ATP11B: variants seen among roughly 807,000 people sequenced by gnomAD.
ATP11B encodes the protein ATPase phospholipid transporting 11B (putative).
Under a neutral mutation model 157.8 loss-of-function variants are expected in ATP11B, and 81 were observed. That is an observed-to-expected ratio of 0.51 (90% confidence interval 0.43 to 0.62). The LOEUF (loss-of-function observed/expected upper bound fraction) is 0.62, where lower values mean the gene tolerates loss of function less well. Among genes scored for constraint, ATP11B ranks in the 20% least tolerant of loss-of-function variants. ATP11B has a pLI of 0.00. For synonymous variants in ATP11B, 451 were observed against 469.4 expected (o/e 0.96, Z 0.51); for missense variants, 1,165 against 1,402.2 (o/e 0.83, Z 2.70).
At position 182,823,339 on chromosome 3, in the gene ATP11B, C is replaced by A. The variant is rs577885650; in HGVS notation, c.144+2963C>A. On this transcript the variant is annotated intron_variant, in intron 2 of 29. Coordinates refer to ENST00000323116, the MANE Select transcript of ATP11B (RefSeq NM_014616.3). ...GTTTCAGCTTTCTACATATGGCTAG[C>A]CGGTTTTCCCAGCACCATTTATTAA... 3.5e-3 allele frequency among the ~76,000 whole-genome samples: 526 copies of A among 152,250 alleles called. 3 individuals are homozygous for A. The highest frequency in any genetic ancestry group is 0.012 in the African/African-American group (499 of 41,534).
chr3:182,873,912 A>G lies in ATP11B; in HGVS notation c.2149A>G (p.Ser717Gly), dbSNP rs149368463. The change falls in exon 19 of 30, where the codon AGT becomes GGT. Residue 717 changes from serine to glycine, a missense_variant. Physicochemically the swap from Ser to Gly is moderately conservative, Grantham distance 56. Around this residue, in one of 4 missense-constraint regions of ATP11B, gnomAD observed 737 missense variants for 930.5 expected, o/e 0.79. Transcript: ENST00000323116. ...GDKHETAVSV[S>G]LSCGHFHRTM... ...TAAACATGAAACAGCTGTTAGTGTG[A>G]GTTTATCATGTGGCCATTTTCATAG... 4 of 1,613,992 alleles carry G rather than the reference A, an allele frequency of 2.5e-6. No individual in the cohort carries two copies. The African/African-American group carries it at 5.3e-5, about 22-fold the overall frequency.
At chr3:182,917,550 A>AT in intron 29 of ATP11B, 1 of 985,370 alleles carries the variant, frequency 1.0e-6, no homozygotes, top group Non-Finnish European at 1.2e-6. Flanking sequence ...ATTCAAGCTA[A>AT]TTATGCGGAA....
chr3:182,844,358 G>A (rs939586270), intron 8 of ATP11B: 2 of 157,104 alleles, frequency 1.3e-5, no homozygotes. Context: ...GGGTTTGCAG[G>A]TGTCTTCATA....
At chr3:182,837,676 A>G (rs1405076401) in intron 7 of ATP11B, among the ~76,000 whole-genome samples, 1 of 152,068 alleles carries the variant, frequency 6.6e-6, no homozygotes, top group African/African-American at 2.4e-5. Context: ...TATAACAGCT[A>G]TGAGTTTCTC....
At position 182,865,514 on chromosome 3, in the gene ATP11B, G is replaced by A. The variant is rs529219215; in HGVS notation, c.1259G>A (p.Arg420Gln). The change falls in exon 13 of 30, where the codon CGG becomes CAG. Residue 420 changes from arginine to glutamine, a missense_variant. Coordinates refer to ENST00000323116, the MANE Select transcript of ATP11B (RefSeq NM_014616.3). ...CTGACAGAAAATGAGATGCAGTTTC[G>A]GGAATGTTCAATTAATGGCATGAAA... ...GTLTENEMQF[R>Q]ECSINGMKYQ... 2.5e-6 allele frequency: 4 copies of A among 1,613,580 alleles called. No homozygotes were observed. Among genetic ancestry groups the A allele is most frequent in the Admixed American group, 1.7e-5 (1 of 59,984 alleles).
chr3:182,831,672 G>C (rs1342316289), intron 4 of ATP11B, among the ~76,000 whole-genome samples: 1 of 151,518 alleles, frequency 6.6e-6, no homozygotes, highest in Non-Finnish European at 1.5e-5. Context: ...ATGACTTGCT[G>C]TACTTTCTTC....
At chr3:182,829,815 A>C in intron 4 of ATP11B, 63 bp downstream of exon 4, 3 of 1,431,024 alleles carry the variant, frequency 2.1e-6, no homozygotes, top group Non-Finnish European at 1.9e-6. Flanking sequence ...AAATATTTCC[A>C]CTCCAAAGTA....
intron 1 of ATP11B, among the ~76,000 whole-genome samples, chr3:182,817,588 G>A (rs573509143): frequency 2.6e-4 from 39 of 152,124 alleles, no homozygotes; most frequent in Non-Finnish European, 4.0e-4. Flanking sequence ...CAGGGGGAAC[G>A]TTTTAATATA....
At chr3:182,913,139 T>C (rs923067738) in intron 28 of ATP11B, among the ~76,000 whole-genome samples, 2 of 152,200 alleles carry the variant, frequency 1.3e-5, no homozygotes, top group Non-Finnish European at 2.9e-5. Context: ...ATAGTACTAC[T>C]TATTCACTTG....
At chr3:182,830,254 T>C (rs1364814628) in intron 4 of ATP11B, among the ~76,000 whole-genome samples, 3 of 150,240 alleles carry the variant, frequency 2.0e-5, no homozygotes, top group Non-Finnish European at 3.0e-5. Context: ...GCCCAGGAGG[T>C]AGAGGCTGCC....
At chr3:182,876,667 T>A (rs1722065039) in intron 19 of ATP11B, among the ~76,000 whole-genome samples, 1 of 152,200 alleles carries the variant, frequency 6.6e-6, no homozygotes, top group Non-Finnish European at 1.5e-5. Flanking sequence ...AGGATTACTG[T>A]GTCCACACAT....
At chr3:182,879,980 G>C (rs1722309683) in intron 20 of ATP11B, among the ~76,000 whole-genome samples, 1 of 152,218 alleles carries the variant, frequency 6.6e-6, no homozygotes, top group African/African-American at 2.4e-5. Context: ...TGCACCTTCA[G>C]ATGGTTCTGT....
At chr3:182,903,235 G>A (rs1383038968) in intron 28 of ATP11B, among the ~76,000 whole-genome samples, 1 of 152,120 alleles carries the variant, frequency 6.6e-6, no homozygotes, top group Non-Finnish European at 1.5e-5. Flanking sequence ...GTTTGAAGGG[G>A]AAAAGTAATA....
chr3:182,853,632 A>G (rs1031616646), intron 10 of ATP11B, among the ~76,000 whole-genome samples: 2 of 152,246 alleles, frequency 1.3e-5, no homozygotes, highest in African/African-American at 4.8e-5. Flanking sequence ...GATTTATATA[A>G]TGAAAATTAC....
chr3:182,917,610 C>T, intron 29 of ATP11B: 3 of 985,298 alleles, frequency 3.0e-6, no homozygotes, highest in Non-Finnish European at 2.4e-6. Flanking sequence ...ATAATAGGAA[C>T]ATACTACTGT....
chr3:182,796,324 T>G (rs1715596090), intron 1 of ATP11B, among the ~76,000 whole-genome samples: 1 of 152,244 alleles, frequency 6.6e-6, no homozygotes, highest in Non-Finnish European at 1.5e-5. Context: ...CAGTACCATA[T>G]TTTATGTATT....
At chr3:182,801,627 A>G (rs1439654021) in intron 1 of ATP11B, among the ~76,000 whole-genome samples, 1 of 151,614 alleles carries the variant, frequency 6.6e-6, no homozygotes, top group Non-Finnish European at 1.5e-5. Flanking sequence ...CACTATCCTC[A>G]CTCCCTTTAG....
At chr3:182,843,467 G>A (rs181562582) in intron 8 of ATP11B, 2 of 152,296 alleles carry the variant, frequency 1.3e-5, no homozygotes, top group East Asian at 3.9e-4. Flanking sequence ...TAAGTGCTAT[G>A]CTCTTCTTCA....
At chr3:182,882,094 A>T (rs1045159761) in intron 21 of ATP11B, among the ~76,000 whole-genome samples, 2 of 152,194 alleles carry the variant, frequency 1.3e-5, no homozygotes, top group Non-Finnish European at 2.9e-5. Flanking sequence ...TTTTTATGGA[A>T]GGATAAAATT....
Sources: gnomAD v4.1 joint callset for allele counts (sites outside exome capture counted in the v4.1 genomes callset) on GRCh38, gnomAD v4.1.1 for gene constraint, gnomAD v4.1.1 regional missense constraint, MANE v1.5 for transcripts, NCBI Gene and HGNC (gene_info 2026-07-23, HGNC 2026-07-21) for gene names.